Variants in IPO11 observed in about 807,000 individuals in gnomAD.
IPO11 encodes the protein importin 11.
In IPO11, 66 loss-of-function variants were observed where a neutral mutation model predicts 143.2. The ratio of observed to expected loss-of-function variants is 0.46; its 90% CI spans 0.38 to 0.57. The LOEUF is 0.57. Ranked by LOEUF, IPO11 falls within the 20% of genes least tolerant of loss-of-function variation. IPO11 has a pLI of 0.00. For missense variants in IPO11, 1,026 were observed against 1,141.0 expected (o/e 0.90, Z 1.45); for synonymous variants, 385 against 377.8 (o/e 1.02, Z -0.22).
At chr5:62,479,140 A>G (rs1027140412) in intron 9 of IPO11, among the ~76,000 whole-genome samples, 7 of 151,954 alleles carry the variant, frequency 4.6e-5, no homozygotes, top group Non-Finnish European at 7.4e-5. Flanking sequence ...CATGTGTCCA[A>G]GTGTTCTCAT....
chr5:62,543,829 A>T (rs972313801), intron 24 of IPO11, among the ~76,000 whole-genome samples: 4 of 152,220 alleles, frequency 2.6e-5, no homozygotes, highest in African/African-American at 9.6e-5. Flanking sequence ...ATTTAGTGCT[A>T]TAAATTTCTG....
At chr5:62,420,340 A>G (rs1743468076) in intron 1 of IPO11, among the ~76,000 whole-genome samples, 1 of 152,000 alleles carries the variant, frequency 6.6e-6, no homozygotes, top group Non-Finnish European at 1.5e-5. Flanking sequence ...TAAACCAGTA[A>G]CATAGTTGCT....
chr5:62,598,435 TCTCTCTC>T (rs1745334802), intron 28 of IPO11, among the ~76,000 whole-genome samples: 5 of 3,030 alleles, frequency 1.7e-3, no homozygotes, highest in Non-Finnish European at 2.7e-3. Flanking sequence ...TTTCTTTCTC[TCTCTCTC>T]TCTCTCTCTC....
chr5:62,579,429 G>C, intron 27 of IPO11: 1 of 1,550,468 alleles, frequency 6.4e-7, no homozygotes, highest in Non-Finnish European at 8.7e-7. Flanking sequence ...GAAAATCCAA[G>C]AACAGGGATA....
At chr5:62,559,044 C>T (rs1480532419) in intron 26 of IPO11, among the ~76,000 whole-genome samples, 2 of 152,158 alleles carry the variant, frequency 1.3e-5, no homozygotes, top group African/African-American at 4.8e-5. Context: ...TAATTTATTG[C>T]TAGAAAATTC....
chr5:62,499,696 A>G (rs779532445), intron 16 of IPO11, among the ~76,000 whole-genome samples: 3 of 145,854 alleles, frequency 2.1e-5, no homozygotes, highest in Non-Finnish European at 4.5e-5. Context: ...AAAATTTTTT[A>G]AAGTTCTTGA....
chr5:62,549,507 C>T (rs191394635), intron 24 of IPO11, among the ~76,000 whole-genome samples: 94 of 152,254 alleles, frequency 6.2e-4, no homozygotes, highest in East Asian at 3.9e-3. Flanking sequence ...AGTAGTCCAT[C>T]TTGAGAAGCA....
chr5:62,429,253 G>A (rs1743884241), intron 1 of IPO11, among the ~76,000 whole-genome samples: 1 of 152,066 alleles, frequency 6.6e-6, no homozygotes, highest in Admixed American at 6.6e-5. Context: ...TCATATAAAT[G>A]GGAATCATGC....
At chr5:62,586,752 C>CAAAA (rs763383085) in intron 27 of IPO11, among the ~76,000 whole-genome samples, 3 of 60,496 alleles carry the variant, frequency 5.0e-5, no homozygotes, top group African/African-American at 2.4e-4. Flanking sequence ...ACTCAGTCTC[C>CAAAA]AAAAAAAAAA....
intron 9 of IPO11, among the ~76,000 whole-genome samples, chr5:62,478,215 G>T (rs1746036253): frequency 6.6e-6 from 1 of 152,132 alleles, no homozygotes; most frequent in Non-Finnish European, 1.5e-5. Context: ...ACCCACGCTG[G>T]AGTGCAGTGG....
intron 19 of IPO11, among the ~76,000 whole-genome samples, chr5:62,513,266 A>T (rs1391434931): frequency 6.7e-5 from 9 of 134,724 alleles, no homozygotes; most frequent in Non-Finnish European, 9.5e-5. Context: ...CGGGGGGCTG[A>T]CCCCCCCACC....
chr5:62,433,456 T>C (rs920494397), intron 1 of IPO11, among the ~76,000 whole-genome samples: 4 of 152,202 alleles, frequency 2.6e-5, no homozygotes, highest in Non-Finnish European at 5.9e-5. Flanking sequence ...CCAACTGGTA[T>C]GGTAGAAACG....
chr5:62,416,715 C>CTTTTTTTTTTTTT (rs11295932), intron 1 of IPO11, among the ~76,000 whole-genome samples: 1 of 144,138 alleles, frequency 6.9e-6, no homozygotes. Context: ...CTCTTATTAT[C>CTTTTTTTTTTTTT]TTTTTTTTTT....
At chr5:62,566,754 G>A (rs1343456487) in intron 27 of IPO11, among the ~76,000 whole-genome samples, 5 of 149,452 alleles carry the variant, frequency 3.3e-5, no homozygotes, top group Non-Finnish European at 7.4e-5. Flanking sequence ...AAAAAAAAAA[G>A]GTTTGTCTTT....
At chr5:62,623,092 T>A (rs1184681386) in intron 29 of IPO11, among the ~76,000 whole-genome samples, 1 of 152,220 alleles carries the variant, frequency 6.6e-6, no homozygotes, top group Non-Finnish European at 1.5e-5. Context: ...GAAACTTAGT[T>A]ATTTTAGATA....
At chr5:62,488,701 A>G (rs1047501936) in intron 13 of IPO11, among the ~76,000 whole-genome samples, 4 of 152,142 alleles carry the variant, frequency 2.6e-5, no homozygotes, top group Non-Finnish European at 5.9e-5. Flanking sequence ...AGAGAAGAGC[A>G]TGTTGTCAGA....
At chr5:62,476,596 A>C in intron 8 of IPO11, 87 bp from the exon 9 acceptor site, 1 of 1,349,344 alleles carries the variant, frequency 7.4e-7, no homozygotes, top group Non-Finnish European at 1.0e-6. Flanking sequence ...CAAAAATAAA[A>C]CCAGCAATAT....
intron 24 of IPO11, among the ~76,000 whole-genome samples, chr5:62,549,989 C>G (rs370313646): frequency 5.9e-5 from 9 of 152,262 alleles, no homozygotes; most frequent in African/African-American, 2.2e-4. Context: ...GTTTAGCTAT[C>G]AAAAAGCCAA....
At chr5:62,625,569 A>T (rs1313894789) in intron 29 of IPO11, among the ~76,000 whole-genome samples, 1 of 152,210 alleles carries the variant, frequency 6.6e-6, no homozygotes. Flanking sequence ...TTTCAATGGA[A>T]ATACTTCTTA....
Sources: allele counts gnomAD v4.1 joint callset (sites outside exome capture counted in the v4.1 genomes callset), GRCh38; gene constraint gnomAD v4.1.1; transcripts MANE v1.5; gene names NCBI Gene and HGNC (gene_info 2026-07-23, HGNC 2026-07-21).